IMMP2L: variants seen among roughly 807,000 people sequenced by gnomAD.
IMMP2L encodes the protein mitochondrial inner membrane protease subunit 2.
In IMMP2L, 18 loss-of-function variants were observed where a neutral mutation model predicts 19.3. That is an observed-to-expected ratio of 0.93 (90% confidence interval 0.64 to 1.38). The LOEUF (loss-of-function observed/expected upper bound fraction) is 1.38. IMMP2L is among the 40% of genes most tolerant of loss of function. The pLI is 0.00. For synonymous variants in IMMP2L, 76 were observed against 73.0 expected, an observed-to-expected ratio of 1.04 and a Z score of -0.21; for missense variants, 233 against 218.2, an observed-to-expected ratio of 1.07 and a Z score of -0.43.
intron 3 of IMMP2L, among the ~76,000 whole-genome samples, chr7:111,033,747 A>G (rs149552592): frequency 6.6e-6 from 1 of 152,340 alleles, no homozygotes; most frequent in Non-Finnish European, 1.5e-5. Flanking sequence ...CAACTATATG[A>G]CATTCTGATA....
chr7:111,188,408 G>A (rs1217445912), intron 3 of IMMP2L, among the ~76,000 whole-genome samples: 1 of 152,054 alleles, frequency 6.6e-6, no homozygotes, highest in African/African-American at 2.4e-5. Flanking sequence ...TCTTCTCATT[G>A]TTTCTTCATA....
At chr7:111,199,278 A>G (rs931214823) in intron 3 of IMMP2L, among the ~76,000 whole-genome samples, 9 of 152,166 alleles carry the variant, frequency 5.9e-5, no homozygotes, top group African/African-American at 1.9e-4. Flanking sequence ...GAGTATTTCT[A>G]TTTAAAGTTC....
chr7:110,690,166 C>T (rs138194814), intron 5 of IMMP2L, among the ~76,000 whole-genome samples: 12 of 152,298 alleles, frequency 7.9e-5, no homozygotes, highest in Admixed American at 3.9e-4. Flanking sequence ...TGTCCTATGA[C>T]GCTGGGACCT....
intron 5 of IMMP2L, among the ~76,000 whole-genome samples, chr7:110,817,164 G>A (rs948922252): frequency 6.6e-6 from 1 of 152,132 alleles, no homozygotes; most frequent in Non-Finnish European, 1.5e-5. Context: ...AAAAGAGGAA[G>A]TCTAATTGTC....
At chr7:111,428,688 CT>C (rs1836330610) in intron 3 of IMMP2L, among the ~76,000 whole-genome samples, 2 of 151,738 alleles carry the variant, frequency 1.3e-5, no homozygotes, top group Non-Finnish European at 2.9e-5. Flanking sequence ...CACAAAAAGA[CT>C]TTCTGAAATA....
intron 3 of IMMP2L, among the ~76,000 whole-genome samples, chr7:111,329,636 A>T (rs1181829284): frequency 2.0e-5 from 3 of 151,950 alleles, no homozygotes; most frequent in Admixed American, 1.3e-4. Context: ...CCACCTTGCA[A>T]AGGCGTCACT....
intron 5 of IMMP2L, among the ~76,000 whole-genome samples, chr7:110,826,880 G>T (rs1265251056): frequency 2.0e-5 from 3 of 149,234 alleles, no homozygotes; most frequent in African/African-American, 7.5e-5. Flanking sequence ...AAAAAAAAAA[G>T]TTAATAATTT....
At chr7:111,047,042 C>T (rs1241742827) in intron 3 of IMMP2L, among the ~76,000 whole-genome samples, 1 of 152,186 alleles carries the variant, frequency 6.6e-6, no homozygotes, top group Non-Finnish European at 1.5e-5. Flanking sequence ...TCCTCAGCTA[C>T]TAAGTGGCAG....
intron 4 of IMMP2L, among the ~76,000 whole-genome samples, chr7:110,960,739 A>C (rs2129555250): frequency 6.6e-6 from 1 of 151,980 alleles, no homozygotes; most frequent in South Asian, 2.1e-4. Flanking sequence ...AAGTTATTTT[A>C]TACTAATAGA....
intron 5 of IMMP2L, among the ~76,000 whole-genome samples, chr7:110,832,371 A>G (rs1804049610): frequency 2.0e-5 from 3 of 152,252 alleles, no homozygotes; most frequent in South Asian, 2.1e-4. Flanking sequence ...TTGCTAAATA[A>G]CATCTTAGCA....
At chr7:111,559,835 C>A (rs934134548) in intron 1 of IMMP2L, among the ~76,000 whole-genome samples, 10 of 151,930 alleles carry the variant, frequency 6.6e-5, no homozygotes, top group Non-Finnish European at 1.5e-4. Flanking sequence ...TTTAATGGCC[C>A]AAAGTGACAC....
intron 5 of IMMP2L, among the ~76,000 whole-genome samples, chr7:110,717,133 T>G (rs1584595548): frequency 6.6e-6 from 1 of 152,178 alleles, no homozygotes; most frequent in Non-Finnish European, 1.5e-5. Context: ...CAACTAAGGG[T>G]TTATTTTAAC....
chr7:111,292,139 GGCCTCTGTGTCTAT>G (rs1310761689), intron 3 of IMMP2L, among the ~76,000 whole-genome samples: 1 of 152,078 alleles, frequency 6.6e-6, no homozygotes, highest in African/African-American at 2.4e-5. Context: ...AACCACTCAT[GGCCTCTGTGTCTAT>G]GATTTCACTG....
At chr7:111,333,414 A>T (rs1422815239) in intron 3 of IMMP2L, among the ~76,000 whole-genome samples, 1 of 152,030 alleles carries the variant, frequency 6.6e-6, no homozygotes, top group Admixed American at 6.6e-5. Context: ...TGGTTGTACG[A>T]AGGATAGTTT....
chr7:110,700,610 C>T (rs1794214816), intron 5 of IMMP2L, among the ~76,000 whole-genome samples: 1 of 152,226 alleles, frequency 6.6e-6, no homozygotes, highest in Admixed American at 6.5e-5. Context: ...CTGGCATCTC[C>T]AGTGCTTTGC....
intron 3 of IMMP2L, among the ~76,000 whole-genome samples, chr7:111,313,354 C>T (rs932905496): frequency 6.6e-6 from 1 of 152,092 alleles, no homozygotes; most frequent in African/African-American, 2.4e-5. Flanking sequence ...GTGTGGTTCA[C>T]AGGTTTTATA....
At chr7:110,733,683 A>G (rs894587587) in intron 5 of IMMP2L, among the ~76,000 whole-genome samples, 1 of 152,168 alleles carries the variant, frequency 6.6e-6, no homozygotes, top group African/African-American at 2.4e-5. Context: ...ATGCAACAGT[A>G]TTAAGAGGTA....
At chr7:111,545,698 T>C (rs1376567191) in intron 1 of IMMP2L, among the ~76,000 whole-genome samples, 7 of 152,224 alleles carry the variant, frequency 4.6e-5, no homozygotes, top group East Asian at 1.9e-4. Flanking sequence ...ACTGCAGGAT[T>C]CTTTTTAAAT....
chr7:110,911,302 T>C (rs529976214), intron 4 of IMMP2L, among the ~76,000 whole-genome samples: 14 of 152,232 alleles, frequency 9.2e-5, no homozygotes, highest in Admixed American at 5.2e-4. Context: ...AATTCAGCTT[T>C]AAAAGTGAAA....
Sources: allele counts gnomAD v4.1 joint callset (sites outside exome capture counted in the v4.1 genomes callset), GRCh38; gene constraint gnomAD v4.1.1; transcripts MANE v1.5; gene names NCBI Gene and HGNC (gene_info 2026-07-23, HGNC 2026-07-21).